The following HMCN2 variants were observed in gnomAD, a reference collection of about 807,000 sequenced individuals.
HMCN2 encodes the protein hemicentin 2, also known as hemicentin-2.
In HMCN2, 325 loss-of-function variants were observed where a neutral mutation model predicts 377.5. The observed-to-expected ratio is 0.86, with a 90% CI of 0.79 to 0.94. HMCN2 has a LOEUF of 0.94. Ranked by LOEUF, HMCN2 falls within the 40% of genes least tolerant of loss-of-function variation. HMCN2 has a pLI of 0.00. For synonymous variants in HMCN2, 2,007 were observed against 2,046.8 expected, an observed-to-expected ratio of 0.98 and a Z score of 0.53; for missense variants, 4,543 against 4,725.3, an observed-to-expected ratio of 0.96 and a Z score of 1.13.
intron 11 of HMCN2, among the ~76,000 whole-genome samples, chr9:130,305,893 G>C (rs994617354): frequency 6.6e-6 from 1 of 152,178 alleles, no homozygotes; most frequent in African/African-American, 2.4e-5. Context: ...CAGGGCTCCG[G>C]GTTGGGATTG....
chr9:130,326,521 G>T (rs1838142853), intron 21 of HMCN2, among the ~76,000 whole-genome samples: 2 of 151,912 alleles, frequency 1.3e-5, no homozygotes, highest in South Asian at 4.1e-4. Context: ...TGGGAGGAGT[G>T]AGCAAATGTA....
At position 130,407,584 on chromosome 9, in the gene HMCN2, G is replaced by A. The variant is rs1288603198; in HGVS notation, c.12567G>A (p.Glu4189=). 5.4e-6 allele frequency: 7 copies of A among 1,289,612 alleles called. No individual in the cohort carries two copies. The South Asian group carries it at 7.4e-5, about 14-fold the overall frequency. The allele number at this position is 1,289,612 out of a possible 1,614,324, so 79.9% of individuals were successfully genotyped here. A position where few individuals can be genotyped will look rare whatever the true frequency, so the allele number is the denominator to read the frequency against. Residue 4189 remains glutamate (E), a synonymous_variant, in exon 83 of 98, where the codon GAG becomes GAA. Transcript: ENST00000683500. The part of the protein sequence containing the change: ...NDRPVTEGVS[E]QDGGSTLQRA... ...TCTCCACCACAGAAGGGGTGTCTGA[G>A]CAGGATGGAGGCAGCACGCTGCAGC...
rs1014855359 is a variant in HMCN2, at chr9:130,325,788, T to C, written c.3034-23T>C. The C allele has an allele frequency of 4.1e-3, 623 of 152,352 alleles. 19 individuals carry two copies. The highest frequency in any genetic ancestry group is 0.036 in the Admixed American group (555 of 15,302). The allele number at this position is 152,352 out of a possible 1,614,324, so 9.4% of individuals were successfully genotyped here. A position where few individuals can be genotyped will look rare whatever the true frequency, so the allele number is the denominator to read the frequency against. On this transcript the variant is annotated intron_variant, in intron 20 of 97. Transcript: ENST00000683500. Reference sequence around the variant, plus strand: ...GGGGCGGAGGTGTGGGCTTCGCCGATGTCACCTGTGCCTCTGCCCTAGGAA... The same window carrying C: ...GGGGCGGAGGTGTGGGCTTCGCCGACGTCACCTGTGCCTCTGCCCTAGGAA...
rs1837781457 is a variant in HMCN2 at position 130,320,424 on chromosome 9, G to A, written c.2620G>A (p.Glu874Lys). The change falls in exon 17 of 98, where the codon GAG becomes AAG. Residue 874 changes from glutamate to lysine, a missense_variant. Coordinates refer to ENST00000683500, the MANE Select transcript of HMCN2 (RefSeq NM_001291815.2). ...AAACGTCTTTGGGAAGGTCCAGGCT[G>A]AGGCCCGGCTCATCGTCACTGGTCA... ...ARNVFGKVQA[E>K]ARLIVTGHAP... 6.6e-6 allele frequency: 1 copy of A among 152,480 alleles called. No individual in the cohort carries two copies. Among genetic ancestry groups the A allele is most frequent in the Non-Finnish European group, 1.5e-5 (1 of 68,250 alleles). 9.4% of individuals were successfully genotyped at this position (152,480 alleles called of 1,614,324 possible).
chr9:130,340,793 C>T (rs1839003626), intron 23 of HMCN2, among the ~76,000 whole-genome samples: 1 of 152,228 alleles, frequency 6.6e-6, no homozygotes, highest in Admixed American at 6.5e-5. Flanking sequence ...TCTGAGATTA[C>T]AGGCGTGAGC....
At chr9:130,271,163 G>A (rs1834386544) in intron 1 of HMCN2, among the ~76,000 whole-genome samples, 1 of 148,690 alleles carries the variant, frequency 6.7e-6, no homozygotes. Flanking sequence ...GTGATGGAAC[G>A]CTGTTGATGT....
Position 130,295,786 on chromosome 9 carries a change from G to C in HMCN2, c.891+14G>C, listed in dbSNP as rs905467631. 2.3e-5 allele frequency: 11 copies of C among 470,352 alleles called. No individual in the cohort carries two copies. The highest frequency in any genetic ancestry group is 4.4e-5 in the Non-Finnish European group (10 of 226,766). 29.1% of individuals were successfully genotyped at this position (470,352 alleles called of 1,614,324 possible). A position where few individuals can be genotyped will look rare whatever the true frequency, so the allele number is the denominator to read the frequency against. The stretch of plus-strand genomic sequence containing the variant: ...TGGTCCATCAAGGTAGGGGCACTGG[G>C]TTGCAGGAGAAAGGTCGACTAGCTT... On this transcript the variant is annotated intron_variant, in intron 6 of 97. Coordinates refer to ENST00000683500, the MANE Select transcript of HMCN2 (RefSeq NM_001291815.2).
chr9:130,423,561 G>A lies in HMCN2; in HGVS notation c.13381+835G>A, dbSNP rs1046087048. Among the ~76,000 whole-genome samples the A allele has an allele frequency of 1.3e-5, 2 of 152,218 alleles. No homozygotes were observed. The highest frequency in any genetic ancestry group is 2.9e-5 in the Non-Finnish European group (2 of 68,032). On this transcript the variant is annotated intron_variant, in intron 87 of 97. Coordinates refer to ENST00000683500, the MANE Select transcript of HMCN2 (RefSeq NM_001291815.2). The surrounding 1 kb of genome is among the most constrained non-coding windows in gnomAD (Gnocchi z 5.5). ...GCCCCAAGCCCGTGGACCAGGCTTTGTTCCATGAAACAGACGCACAGAGAG... is the reference window on the plus strand; with the variant it reads ...GCCCCAAGCCCGTGGACCAGGCTTTATTCCATGAAACAGACGCACAGAGAG...
intron 4 of HMCN2, among the ~76,000 whole-genome samples, chr9:130,290,528 G>C (rs1554929681): frequency 6.6e-6 from 1 of 152,212 alleles, no homozygotes; most frequent in East Asian, 1.9e-4. Flanking sequence ...GCCTGGCCCG[G>C]GGGAAGGGGA....
At chr9:130,372,587 C>A (rs754926484) in intron 47 of HMCN2, among the ~76,000 whole-genome samples, 180 bp downstream of exon 47, 19 of 152,300 alleles carry the variant, frequency 1.2e-4, no homozygotes, top group South Asian at 2.1e-4. Flanking sequence ...CAAGCCTGGG[C>A]AGTGTGGTGA....
Position 130,428,506 on chromosome 9 carries a change from A to G in HMCN2, c.14197+17A>G, listed in dbSNP as rs1384872212. The G allele has an allele frequency of 2.6e-6, 4 of 1,537,408 alleles. No homozygotes were observed. The highest frequency in any genetic ancestry group is 2.7e-5 in the African/African-American group (2 of 73,024). ...GCTGTGAAGGTGATGGGGGCACAGC[A>G]TGCGGCCTGTCCATACTCCTGGAAA... is the stretch of plus-strand genomic sequence containing the variant. On this transcript the variant is annotated intron_variant, in intron 93 of 97. Transcript: ENST00000683500. This position sits in a 1 kb window ranked among gnomAD's most constrained non-coding sequence, Gnocchi z 5.0.
intron 1 of HMCN2, among the ~76,000 whole-genome samples, chr9:130,280,257 G>T (rs372511734): frequency 6.6e-6 from 1 of 150,914 alleles, no homozygotes; most frequent in African/African-American, 2.4e-5. Flanking sequence ...CCGCCTCCCG[G>T]GTTCACGCCA....
In HMCN2 at chr9:130,428,568, T is replaced by C; in HGVS notation, c.14197+79T>C. On this transcript the variant is annotated intron_variant, in intron 93 of 97. Transcript: ENST00000683500. The surrounding 1 kb of genome is among the most constrained non-coding windows in gnomAD (Gnocchi z 5.0). ...CCAGGGATCAGCTGACAGGGGGCTG[T>C]GTGTCACTGGGCTCTGGGCTTCCAG... 2.0e-6 allele frequency: 3 copies of C among 1,500,172 alleles called. No homozygotes were observed. Among genetic ancestry groups the C allele is most frequent in the Non-Finnish European group, 2.7e-6 (3 of 1,120,996 alleles). 92.9% of individuals were successfully genotyped at this position (1,500,172 alleles called of 1,614,324 possible).
chr9:130,392,164 AC>A, intron 66 of HMCN2, 46 bp downstream of exon 66: 1 of 986,024 alleles, frequency 1.0e-6, no homozygotes, highest in African/African-American at 1.7e-5. Context: ...CTCAGAGTGG[AC>A]ATGTGGGGAT....
chr9:130,316,130 A>G (rs1837548596), intron 15 of HMCN2, among the ~76,000 whole-genome samples: 2 of 152,194 alleles, frequency 1.3e-5, no homozygotes, highest in Admixed American at 6.5e-5. Context: ...GCCAGGGGCC[A>G]CTGCCATGAC....
rs774303161 is a variant in HMCN2 at position 130,385,722 on chromosome 9, C to G, written c.9269C>G (p.Ala3090Gly). 1.5e-5 allele frequency: 20 copies of G among 1,304,040 alleles called. No individual in the cohort carries two copies. Among genetic ancestry groups the G allele is most frequent in the Non-Finnish European group, 2.0e-5 (20 of 988,920 alleles). The allele number at this position is 1,304,040 out of a possible 1,614,324, so 80.8% of individuals were successfully genotyped here. A position where few individuals can be genotyped will look rare whatever the true frequency, so the allele number is the denominator to read the frequency against. The change falls in exon 60 of 98, where the codon GCT (alanine) becomes GGT (glycine). Residue 3090 changes from alanine to glycine, a missense_variant. Around this residue, in one of 5 missense-constraint regions of HMCN2, gnomAD observed 736 missense variants for 773.2 expected, o/e 0.95. Transcript: ENST00000683500. The part of the protein sequence containing the change: ...QPLVLAQRTQ[A>G]LRGGQRLEIQ... The stretch of plus-strand genomic sequence containing the variant: ...CTGGTCCTGGCACAGCGGACCCAGG[C>G]TCTGCGGGGTGGGCAGAGGCTGGAG...
rs995251592 is a variant in HMCN2 at position 130,386,488 on chromosome 9, G to A, written c.9355G>A (p.Gly3119Arg). The A allele has an allele frequency of 3.0e-5, 39 of 1,303,800 alleles. No individual in the cohort carries two copies. In the African/African-American group the frequency reaches 5.8e-4, roughly 19 times the overall value. The allele number at this position is 1,303,800 out of a possible 1,614,324, so 80.8% of individuals were successfully genotyped here. A position where few individuals can be genotyped will look rare whatever the true frequency, so the allele number is the denominator to read the frequency against. The change falls in exon 61 of 98, where the codon GGG (glycine) becomes AGG (arginine). Residue 3119 changes from glycine (G) to arginine (R), a missense_variant. This residue lies in a region of HMCN2 where 736 missense variants were observed against 773.2 expected (regional missense o/e 0.95). Coordinates refer to ENST00000683500, the MANE Select transcript of HMCN2 (RefSeq NM_001291815.2). ...LYSCKVSNVAGEAVRTFTLTV... is the reference protein window; with the variant it reads ...LYSCKVSNVAREAVRTFTLTV... ...CAGCTGTAAAGTCAGCAACGTGGCT[G>A]GGGAGGCCGTGCGGACCTTCACCCT...
chr9:130,268,649 T>C (rs1348514691), intron 1 of HMCN2, among the ~76,000 whole-genome samples: 1 of 148,872 alleles, frequency 6.7e-6, no homozygotes, highest in African/African-American at 2.4e-5. Flanking sequence ...GTTTACTGGG[T>C]TTTGGCCGTT....
intron 1 of HMCN2, among the ~76,000 whole-genome samples, chr9:130,281,105 A>AC (rs1835094930): frequency 6.6e-6 from 1 of 151,110 alleles, no homozygotes; most frequent in African/African-American, 2.4e-5. Flanking sequence ...TCTGTCTGAA[A>AC]AAAAAAAAAA....
Sources: allele counts gnomAD v4.1 joint callset (sites outside exome capture counted in the v4.1 genomes callset), GRCh38; gene constraint gnomAD v4.1.1; regional missense constraint gnomAD v4.1.1; non-coding constraint Gnocchi (gnomAD v3.1); transcripts MANE v1.5; gene names NCBI Gene and HGNC (gene_info 2026-07-23, HGNC 2026-07-21).